Variants in VKORC1L1 observed in about 807,000 individuals in gnomAD.
VKORC1L1 encodes vitamin K epoxide reductase complex subunit 1L1.
In VKORC1L1, 2 loss-of-function variants were observed where a neutral mutation model predicts 18.9. The observed-to-expected ratio is 0.11, with a 90% confidence interval of 0.04 to 0.33. The LOEUF (loss-of-function observed/expected upper bound fraction) is 0.33. VKORC1L1 is among the 10% of genes least tolerant of loss of function. The pLI is 1.00. For missense variants in VKORC1L1, 123 were observed against 224.1 expected, an observed-to-expected ratio of 0.55 and a Z score of 2.88; for synonymous variants, 96 against 100.0, an observed-to-expected ratio of 0.96 and a Z score of 0.24.
At chr7:65,928,508 T>C (rs542470368) in intron 1 of VKORC1L1, among the ~76,000 whole-genome samples, 2 of 152,192 alleles carry the variant, frequency 1.3e-5, no homozygotes, top group African/African-American at 4.8e-5. Context: ...TACTGTCTAG[T>C]CTTTGAGTCT....
chr7:65,873,006 A>G (rs181846215), upstream of VKORC1L1, among the ~76,000 whole-genome samples: 16 of 8,662 alleles, frequency 1.8e-3, no homozygotes, highest in South Asian at 3.6e-3. Flanking sequence ...CCCCTGCCCC[A>G]CCCCTTTCTC....
intron 1 of VKORC1L1, among the ~76,000 whole-genome samples, chr7:65,924,464 C>T (rs1405918223): frequency 2.0e-5 from 3 of 152,202 alleles, no homozygotes; most frequent in Admixed American, 6.5e-5. Flanking sequence ...TTAGGCTTCA[C>T]GGGCCATAGG....
chr7:65,937,330 A>T lies in VKORC1L1; in HGVS notation c.195-11341A>T, dbSNP rs186364444. 8.3e-4 allele frequency among the ~76,000 whole-genome samples: 126 copies of T among 152,342 alleles called. 1 individual carries two copies. The South Asian group carries it at 0.012, about 15-fold the overall frequency. On this transcript the variant is annotated intron_variant, in intron 1 of 2. Coordinates refer to ENST00000360768, the MANE Select transcript of VKORC1L1 (RefSeq NM_173517.6). ...CAATTTTTAATTGTAACCTGTCAGG[A>T]AGAGCAGCTTGTAGTGGGCATATTC... is the stretch of plus-strand genomic sequence containing the variant.
At chr7:65,937,401 ATTTTGTTTTG>A in intron 1 of VKORC1L1, among the ~76,000 whole-genome samples, 1 of 151,694 alleles carries the variant, frequency 6.6e-6, no homozygotes, top group Non-Finnish European at 1.5e-5. Context: ...TTTTTGTTTT[ATTTTGTTTTG>A]TTTTTGAGAT....
intron 1 of VKORC1L1, among the ~76,000 whole-genome samples, chr7:65,937,494 A>G (rs1358130684): frequency 2.6e-5 from 4 of 152,186 alleles, no homozygotes; most frequent in Non-Finnish European, 5.9e-5. Context: ...TCTGGGCTCA[A>G]GTGATCCTCC....
chr7:65,878,543 CA>C (rs1788869052), intron 1 of VKORC1L1, among the ~76,000 whole-genome samples: 1 of 152,076 alleles, frequency 6.6e-6, no homozygotes, highest in African/African-American at 2.4e-5. Flanking sequence ...CAGGTAGTAG[CA>C]AATTGAGACT....
chr7:65,910,296 T>G (rs1289210491), intron 1 of VKORC1L1, among the ~76,000 whole-genome samples: 2 of 152,178 alleles, frequency 1.3e-5, no homozygotes, highest in Non-Finnish European at 2.9e-5. Context: ...ATCATTAATA[T>G]GTATTTGCAT....
At chr7:65,868,697 C>A (rs1788690754), upstream of VKORC1L1, among the ~76,000 whole-genome samples, 1 of 152,186 alleles carries the variant, frequency 6.6e-6, no homozygotes. Flanking sequence ...GGAGGCCATT[C>A]TCCTCAGTGA....
chr7:65,894,112 G>A (rs193172808), intron 1 of VKORC1L1, among the ~76,000 whole-genome samples: 180 of 151,964 alleles, frequency 1.2e-3, no homozygotes, highest in African/African-American at 3.9e-3. Flanking sequence ...CTACTAGCAC[G>A]CCCGACTAAT....
chr7:65,880,217 G>T (rs1203962655), intron 1 of VKORC1L1, among the ~76,000 whole-genome samples: 1 of 152,122 alleles, frequency 6.6e-6, no homozygotes, highest in Non-Finnish European at 1.5e-5. Flanking sequence ...ATATCAACCA[G>T]ATTTTTTAAA....
chr7:65,884,876 T>C (rs1040360699), intron 1 of VKORC1L1, among the ~76,000 whole-genome samples: 2 of 152,218 alleles, frequency 1.3e-5, no homozygotes, highest in African/African-American at 4.8e-5. Context: ...TCACCTTGTT[T>C]GATAATGAGG....
At chr7:65,905,126 A>C (rs1393433499) in intron 1 of VKORC1L1, among the ~76,000 whole-genome samples, 2 of 152,184 alleles carry the variant, frequency 1.3e-5, no homozygotes, top group Admixed American at 6.5e-5. Flanking sequence ...TTTTTTAGAA[A>C]CAAAATTGGA....
intron 1 of VKORC1L1, among the ~76,000 whole-genome samples, chr7:65,901,655 G>A (rs1009448962): frequency 6.6e-6 from 1 of 152,118 alleles, no homozygotes; most frequent in Non-Finnish European, 1.5e-5. Context: ...AGAATTGGGA[G>A]GACAAGATGG....
intron 1 of VKORC1L1, among the ~76,000 whole-genome samples, chr7:65,925,300 TC>T (rs1186092893): frequency 1.3e-5 from 2 of 152,198 alleles, no homozygotes; most frequent in Admixed American, 6.5e-5. Flanking sequence ...CAGTCATTCT[TC>T]CTCAATTCAG....
intron 1 of VKORC1L1, among the ~76,000 whole-genome samples, chr7:65,895,246 A>G (rs1330175669): frequency 2.6e-5 from 4 of 151,992 alleles, no homozygotes; most frequent in Non-Finnish European, 4.4e-5. Flanking sequence ...TAGATGGGAT[A>G]TGAAAACAGA....
intron 1 of VKORC1L1, among the ~76,000 whole-genome samples, chr7:65,918,811 C>T (rs993601284): frequency 1.3e-5 from 2 of 152,138 alleles, no homozygotes; most frequent in African/African-American, 4.8e-5. Context: ...ACCAACAAAA[C>T]AGGCGGGACG....
At chr7:65,873,739 C>T (rs1347830000) in intron 1 of VKORC1L1, among the ~76,000 whole-genome samples, 174 bp downstream of exon 1, 1 of 146,984 alleles carries the variant, frequency 6.8e-6, no homozygotes, top group African/African-American at 2.5e-5. Context: ...CGCTCCTGCC[C>T]GGGGGGCGGC....
At chr7:65,880,804 C>T (rs1023134452) in intron 1 of VKORC1L1, among the ~76,000 whole-genome samples, 2 of 152,082 alleles carry the variant, frequency 1.3e-5, no homozygotes, top group African/African-American at 4.8e-5. Flanking sequence ...TAGATCTTGC[C>T]CATAGCAAGT....
At chr7:65,920,682 A>G (rs2115618497) in intron 1 of VKORC1L1, among the ~76,000 whole-genome samples, 1 of 151,992 alleles carries the variant, frequency 6.6e-6, no homozygotes, top group South Asian at 2.1e-4. Context: ...TCTTTCCTAC[A>G]CTGTTTTTCT....
Sources: gnomAD v4.1 joint callset for allele counts (sites outside exome capture counted in the v4.1 genomes callset) on GRCh38, gnomAD v4.1.1 for gene constraint, MANE v1.5 for transcripts, NCBI Gene and HGNC (gene_info 2026-07-23, HGNC 2026-07-21) for gene names.